Variants in DGKD observed in about 807,000 individuals in gnomAD.
DGKD encodes DAG kinase delta.
In DGKD, 68 loss-of-function variants were observed where a neutral mutation model predicts 154.4. The ratio of observed to expected loss-of-function variants is 0.44; its 90% CI spans 0.36 to 0.54. DGKD has a LOEUF of 0.54. DGKD is among the 20% of genes least tolerant of loss of function. The pLI is 0.00. For missense variants in DGKD, 1,343 were observed against 1,593.6 expected (o/e 0.84, Z 2.68); for synonymous variants, 693 against 638.0 (o/e 1.09, Z -1.30).
intron 1 of DGKD, among the ~76,000 whole-genome samples, chr2:233,379,501 TC>T (rs1702772718): frequency 6.6e-6 from 1 of 152,128 alleles, no homozygotes; most frequent in African/African-American, 2.4e-5. Flanking sequence ...GTATGCTTCT[TC>T]CAGTCACCTG....
intron 3 of DGKD, among the ~76,000 whole-genome samples, chr2:233,399,761 G>A (rs558179229): frequency 5.5e-4 from 83 of 152,292 alleles, no homozygotes; most frequent in Admixed American, 7.8e-4. Context: ...GATCTGCAGG[G>A]AAGAGTTGGC....
chr2:233,379,119 A>G (rs1204948898), intron 1 of DGKD, among the ~76,000 whole-genome samples: 3 of 152,164 alleles, frequency 2.0e-5, no homozygotes, highest in South Asian at 4.1e-4. Context: ...GGGGAGGGAG[A>G]CAGCCTCATA....
intron 3 of DGKD, among the ~76,000 whole-genome samples, chr2:233,391,638 T>A (rs1415920681): frequency 6.6e-6 from 1 of 152,198 alleles, no homozygotes; most frequent in Non-Finnish European, 1.5e-5. Flanking sequence ...AGACAAAAAG[T>A]GTGTACCCTA....
intron 1 of DGKD, among the ~76,000 whole-genome samples, chr2:233,360,992 T>G (rs548524766): frequency 5.1e-4 from 35 of 68,504 alleles, no homozygotes; most frequent in African/African-American, 1.1e-3. Context: ...AAGTTTTTTT[T>G]TTTTTTTTTT....
chr2:233,453,873 A>G (rs2063372252), intron 18 of DGKD, among the ~76,000 whole-genome samples: 1 of 152,254 alleles, frequency 6.6e-6, no homozygotes, highest in African/African-American at 2.4e-5. Flanking sequence ...GGGAAAAGGA[A>G]GCCTTGTGCT....
At chr2:233,395,963 A>C (rs1174588970) in intron 3 of DGKD, among the ~76,000 whole-genome samples, 1 of 152,192 alleles carries the variant, frequency 6.6e-6, no homozygotes, top group African/African-American at 2.4e-5. Flanking sequence ...GCTTTGTTTC[A>C]CTAGCTCTTA....
chr2:233,455,861 ACT>A (rs1189059010), intron 19 of DGKD, among the ~76,000 whole-genome samples: 1 of 152,124 alleles, frequency 6.6e-6, no homozygotes, highest in African/African-American at 2.4e-5. Context: ...AGAACTTTTG[ACT>A]CTGAGGCTCT....
Position 233,438,920 on chromosome 2 carries a change from C to G in DGKD, c.1085+541C>G, listed in dbSNP as rs1025070719. Among the ~76,000 whole-genome samples, 1 of 152,228 alleles carries G rather than the reference C, an allele frequency of 6.6e-6. No homozygotes were observed. The highest frequency in any genetic ancestry group is 1.5e-5 in the Non-Finnish European group (1 of 68,048). Reference sequence around the variant, plus strand: ...CAGGAGGAGTGTTTGCTGAGAGGCACAGGAGGCCGCTCGGTGTGCAGGTGC... The same window carrying G: ...CAGGAGGAGTGTTTGCTGAGAGGCAGAGGAGGCCGCTCGGTGTGCAGGTGC... On this transcript the variant is annotated intron_variant, in intron 9 of 29. Coordinates refer to ENST00000264057, the MANE Select transcript of DGKD (RefSeq NM_152879.3). This position sits in a 1 kb window ranked among gnomAD's most constrained non-coding sequence, Gnocchi z 4.1.
chr2:233,393,186 A>G (rs896748735), intron 3 of DGKD, among the ~76,000 whole-genome samples: 6 of 151,236 alleles, frequency 4.0e-5, no homozygotes, highest in Non-Finnish European at 8.8e-5. Flanking sequence ...CACCACGCCC[A>G]GCTAATGTTT....
intron 10 of DGKD, among the ~76,000 whole-genome samples, chr2:233,444,550 T>C (rs1466119681): frequency 6.6e-6 from 1 of 151,230 alleles, no homozygotes; most frequent in African/African-American, 2.4e-5. Flanking sequence ...GCACCATCCA[T>C]GCCTGCTGTG....
At chr2:233,466,546 T>C (rs1218154743) in intron 27 of DGKD, among the ~76,000 whole-genome samples, 5 of 152,152 alleles carry the variant, frequency 3.3e-5, no homozygotes, top group African/African-American at 1.2e-4. Context: ...CAGGGAGTGC[T>C]GTGTGGAGAG....
chr2:233,396,094 A>G (rs1704008310), intron 3 of DGKD, among the ~76,000 whole-genome samples: 1 of 152,206 alleles, frequency 6.6e-6, no homozygotes, highest in African/African-American at 2.4e-5. Context: ...GAGCTCCGAG[A>G]ACATAGTATT....
At chr2:233,464,053 T>C in intron 26 of DGKD, 111 bp from the exon 27 acceptor site, 5 of 1,438,306 alleles carry the variant, frequency 3.5e-6, no homozygotes, top group Non-Finnish European at 4.7e-6. Context: ...GAAAGTGAGC[T>C]CCCTGATCAG....
At chr2:233,365,490 C>T (rs915621539) in intron 1 of DGKD, among the ~76,000 whole-genome samples, 6 of 152,164 alleles carry the variant, frequency 3.9e-5, no homozygotes, top group Non-Finnish European at 7.3e-5. Flanking sequence ...GGTGATCCAC[C>T]TGCCTCGGCC....
chr2:233,459,634 G>A lies in DGKD; in HGVS notation c.2695-123G>A, dbSNP rs2063560183. On this transcript the variant is annotated intron_variant, in intron 22 of 29. Coordinates refer to ENST00000264057, the MANE Select transcript of DGKD (RefSeq NM_152879.3). The surrounding 1 kb of genome is among the most constrained non-coding windows in gnomAD (Gnocchi z 5.7). ...GCGGAGCGCCATCCCAGAGGCAGAG[G>A]TGGGGTGTCCTGCAAGGCAGGGACG... The A allele has an allele frequency of 2.4e-5, 32 of 1,318,762 alleles. No individual in the cohort carries two copies. The South Asian group carries it at 4.4e-4, about 18-fold the overall frequency. The allele number at this position is 1,318,762 out of a possible 1,614,324, so 81.7% of individuals were successfully genotyped here.
Position 233,354,716 on chromosome 2 carries a change from C to G in DGKD, c.156+42C>G. 1.0e-6 allele frequency: 1 copy of G among 975,688 alleles called. No individual in the cohort carries two copies. Among genetic ancestry groups the G allele is most frequent in the Non-Finnish European group, 1.2e-6 (1 of 824,060 alleles). The allele number at this position is 975,688 out of a possible 1,614,324, so 60.4% of individuals were successfully genotyped here. A position where few individuals can be genotyped will look rare whatever the true frequency, so the allele number is the denominator to read the frequency against. ...GCGGCCCGGGCGCGCGCCCCTCACG[C>G]CGCGGCAGCCCCGGCCGAGGCCCGT... On this transcript the variant is annotated intron_variant, in intron 1 of 29. Coordinates refer to ENST00000264057, the MANE Select transcript of DGKD (RefSeq NM_152879.3). The surrounding 1 kb of genome is among the most constrained non-coding windows in gnomAD (Gnocchi z 4.8).
At chr2:233,418,897 A>G (rs550151841) in intron 3 of DGKD, among the ~76,000 whole-genome samples, 1 of 152,278 alleles carries the variant, frequency 6.6e-6, no homozygotes, top group African/African-American at 2.4e-5. Context: ...GGACCTGGGC[A>G]CTCAGGCTCT....
chr2:233,432,207 C>T (rs185229146), intron 3 of DGKD, among the ~76,000 whole-genome samples: 436 of 98,790 alleles, frequency 4.4e-3, no homozygotes, highest in South Asian at 9.6e-3. Flanking sequence ...CTGGCTAACA[C>T]GGTGAAACCT....
intron 3 of DGKD, among the ~76,000 whole-genome samples, chr2:233,400,846 A>G (rs548210554): frequency 6.6e-6 from 1 of 152,112 alleles, no homozygotes; most frequent in South Asian, 2.1e-4. Flanking sequence ...GTTGCAGCTG[A>G]GTGTGTGTGG....
Sources: gnomAD v4.1 joint callset for allele counts (sites outside exome capture counted in the v4.1 genomes callset) on GRCh38, gnomAD v4.1.1 for gene constraint, Gnocchi (gnomAD v3.1) non-coding constraint, MANE v1.5 for transcripts, NCBI Gene and HGNC (gene_info 2026-07-23, HGNC 2026-07-21) for gene names.